KATNBL1: variants seen among roughly 807,000 people sequenced by gnomAD.
KATNBL1 encodes katanin regulatory subunit B1 like 1, also known as KATNB1-like protein 1.
Under a neutral mutation model 44.7 loss-of-function variants are expected in KATNBL1, and 28 were observed. That is an observed-to-expected ratio of 0.63 (90% CI 0.46 to 0.86). The LOEUF is 0.86. Ranked by LOEUF, KATNBL1 falls within the 40% of genes least tolerant of loss-of-function variation. KATNBL1 has a pLI of 0.00. For missense variants in KATNBL1, 272 were observed against 350.7 expected (o/e 0.78, Z 1.79); for synonymous variants, 78 against 114.9 (o/e 0.68, Z 2.06).
At chr15:34,193,152 G>A (rs563960038) in intron 1 of KATNBL1, among the ~76,000 whole-genome samples, 2 of 142,014 alleles carry the variant, frequency 1.4e-5, no homozygotes, top group Admixed American at 1.5e-4. Flanking sequence ...GGGAGGCGGA[G>A]CTTGCAGTGA....
chr15:34,181,105 G>T (rs1189939159), intron 1 of KATNBL1, among the ~76,000 whole-genome samples: 2 of 152,048 alleles, frequency 1.3e-5, no homozygotes, highest in African/African-American at 4.8e-5. Flanking sequence ...TAGTGTTCAT[G>T]GTAAAATACT....
At position 34,197,232 on chromosome 15, in the gene KATNBL1, G is replaced by A. The variant is rs538561338; in HGVS notation, c.-15+12719C>T. ...CTTTTGAAAAATTTAATGTGAAGTT[G>A]TATTTTTCTTACGTTTAAACTGAAA... On this transcript the variant is annotated intron_variant, in intron 1 of 9. Coordinates refer to ENST00000256544, the MANE Select transcript of KATNBL1 (RefSeq NM_024713.3). Among the ~76,000 whole-genome samples the A allele has an allele frequency of 2.6e-5, 4 of 152,338 alleles. No individual in the cohort carries two copies. In the South Asian group the frequency reaches 8.3e-4, roughly 32 times the overall value.
intron 1 of KATNBL1, among the ~76,000 whole-genome samples, chr15:34,189,635 CTT>C (rs1252535727): frequency 6.6e-6 from 1 of 152,146 alleles, no homozygotes; most frequent in African/African-American, 2.4e-5. Context: ...AATGTTTACT[CTT>C]TGATAGAGAG....
intron 1 of KATNBL1, among the ~76,000 whole-genome samples, chr15:34,206,466 A>ATAG (rs1890294440): frequency 6.6e-6 from 1 of 152,316 alleles, no homozygotes; most frequent in Non-Finnish European, 1.5e-5. Flanking sequence ...TGAGCAAGAA[A>ATAG]TAGTAAACAC....
intron 1 of KATNBL1, among the ~76,000 whole-genome samples, chr15:34,175,385 A>G (rs1308225659): frequency 1.3e-5 from 2 of 152,134 alleles, no homozygotes; most frequent in African/African-American, 4.8e-5. Context: ...ATTTTGGACC[A>G]TTTCAGATTT....
At chr15:34,163,332 CCATGCCCA>C (rs1888865165) in intron 2 of KATNBL1, among the ~76,000 whole-genome samples, 1 of 152,152 alleles carries the variant, frequency 6.6e-6, no homozygotes. Flanking sequence ...GCATAAGCCA[CCATGCCCA>C]GCCCGATTAA....
At chr15:34,168,046 C>T (rs938850221) in intron 1 of KATNBL1, among the ~76,000 whole-genome samples, 1 of 152,168 alleles carries the variant, frequency 6.6e-6, no homozygotes, top group African/African-American at 2.4e-5. Context: ...GGTGAAATAA[C>T]TAGCTAGCAT....
chr15:34,148,405 A>G (rs766827681), intron 5 of KATNBL1: 2 of 334,296 alleles, frequency 6.0e-6, no homozygotes, highest in Non-Finnish European at 1.1e-5. Flanking sequence ...GGGAAACATA[A>G]GACCTCATGT....
At chr15:34,192,558 C>G (rs1475509456) in intron 1 of KATNBL1, among the ~76,000 whole-genome samples, 3 of 152,090 alleles carry the variant, frequency 2.0e-5, no homozygotes, top group Non-Finnish European at 4.4e-5. Context: ...TGCTTTTAGG[C>G]CTAGAGGGTG....
chr15:34,189,059 T>G (rs901358466), intron 1 of KATNBL1, among the ~76,000 whole-genome samples: 1 of 152,104 alleles, frequency 6.6e-6, no homozygotes, highest in South Asian at 2.1e-4. Context: ...TGAGACAGAG[T>G]CTCGCTCTGT....
At chr15:34,186,071 T>C (rs570362472) in intron 1 of KATNBL1, among the ~76,000 whole-genome samples, 2 of 152,156 alleles carry the variant, frequency 1.3e-5, no homozygotes, top group Admixed American at 6.5e-5. Flanking sequence ...TATGGGACAA[T>C]TGGGCCATTT....
At chr15:34,195,682 C>T (rs376610665) in intron 1 of KATNBL1, among the ~76,000 whole-genome samples, 3 of 136,512 alleles carry the variant, frequency 2.2e-5, no homozygotes, top group African/African-American at 6.6e-5. Flanking sequence ...CAGAGAGAGA[C>T]GCCATCTCAA....
chr15:34,165,182 G>A (rs1174545985), intron 1 of KATNBL1, among the ~76,000 whole-genome samples: 4 of 152,166 alleles, frequency 2.6e-5, no homozygotes, highest in East Asian at 1.9e-4. Flanking sequence ...ACTGAAAGGC[G>A]TGAAGCAACA....
intron 1 of KATNBL1, among the ~76,000 whole-genome samples, chr15:34,206,159 C>A (rs113056669): frequency 0.013 from 1,977 of 152,246 alleles, 13 homozygotes; most frequent in Middle Eastern, 0.045. Flanking sequence ...ACTGTAACAC[C>A]AAGCTGTGCA....
chr15:34,157,045 C>T (rs1047318359), intron 2 of KATNBL1, among the ~76,000 whole-genome samples: 1 of 152,156 alleles, frequency 6.6e-6, no homozygotes. Context: ...GAATTCCAGT[C>T]TGAGAAGAGC....
At position 34,193,509 on chromosome 15, in the gene KATNBL1, G is replaced by A. The variant is rs57938352; in HGVS notation, c.-15+16442C>T. Reference sequence around the variant, plus strand: ...AGATGGCGCCACTGCACTCCAGCCTGGGAAACAGAGCAAGACTCTTGTCTC... The same window carrying A: ...AGATGGCGCCACTGCACTCCAGCCTAGGAAACAGAGCAAGACTCTTGTCTC... On this transcript the variant is annotated intron_variant, in intron 1 of 9. Coordinates refer to ENST00000256544, the MANE Select transcript of KATNBL1 (RefSeq NM_024713.3). Among the ~76,000 whole-genome samples, 818 of 152,164 alleles carry A rather than the reference G, an allele frequency of 5.4e-3. 9 individuals are homozygous for A. Among genetic ancestry groups the A allele is most frequent in the African/African-American group, 0.019 (773 of 41,490 alleles).
chr15:34,161,914 G>T (rs572461002), intron 2 of KATNBL1, among the ~76,000 whole-genome samples: 1 of 152,112 alleles, frequency 6.6e-6, no homozygotes, highest in Non-Finnish European at 1.5e-5. Flanking sequence ...CAAAATATAA[G>T]GAAGCTGAAC....
intron 9 of KATNBL1, 101 bp downstream of exon 9, chr15:34,145,297 G>C: frequency 7.3e-7 from 1 of 1,360,896 alleles, no homozygotes; most frequent in Non-Finnish European, 9.7e-7. Context: ...CATTAGAACA[G>C]TACCATATTA....
At chr15:34,197,612 G>A (rs1890059913) in intron 1 of KATNBL1, among the ~76,000 whole-genome samples, 1 of 152,058 alleles carries the variant, frequency 6.6e-6, no homozygotes, top group East Asian at 1.9e-4. Context: ...AAGGATAAGG[G>A]TTATTTCTAA....
Sources: allele counts gnomAD v4.1 joint callset (sites outside exome capture counted in the v4.1 genomes callset), GRCh38; gene constraint gnomAD v4.1.1; transcripts MANE v1.5; gene names NCBI Gene and HGNC (gene_info 2026-07-23, HGNC 2026-07-21).